Variants in KSR2 observed in about 807,000 individuals in gnomAD.
KSR2 encodes kinase suppressor of ras 2.
Under a neutral mutation model 107.8 loss-of-function variants are expected in KSR2, and 25 were observed. That is an observed-to-expected ratio of 0.23 (90% CI 0.17 to 0.32). KSR2 has a LOEUF of 0.32. KSR2 is among the 10% of genes least tolerant of loss of function. The pLI, the probability that KSR2 is intolerant of heterozygous loss-of-function variation, is 1.00. For synonymous variants in KSR2, 480 were observed against 507.0 expected (o/e 0.95, Z 0.71); for missense variants, 887 against 1,268.9 (o/e 0.70, Z 4.57).
chr12:117,497,346 T>G (rs1373797205), intron 14 of KSR2, among the ~76,000 whole-genome samples: 2 of 152,154 alleles, frequency 1.3e-5, no homozygotes, highest in Admixed American at 1.3e-4. Flanking sequence ...ATGCTTCCAT[T>G]AATAGGATCA....
intron 5 of KSR2, among the ~76,000 whole-genome samples, chr12:117,619,285 T>G (rs955378682): frequency 1.6e-4 from 25 of 152,022 alleles, no homozygotes; most frequent in Admixed American, 3.9e-4. Context: ...TATGTATACA[T>G]GTGCCATGTT....
intron 5 of KSR2, among the ~76,000 whole-genome samples, chr12:117,641,317 G>A (rs577981405): frequency 9.7e-4 from 147 of 152,246 alleles, no homozygotes; most frequent in African/African-American, 3.3e-3. Context: ...GGCCGGTCTC[G>A]AATTCCTGAC....
chr12:117,950,415 T>G (rs1896326893), intron 1 of KSR2, among the ~76,000 whole-genome samples: 1 of 152,082 alleles, frequency 6.6e-6, no homozygotes, highest in Non-Finnish European at 1.5e-5. Flanking sequence ...TAAAGTACCT[T>G]CAACTGCTAT....
At chr12:117,845,143 C>T (rs1302546764) in intron 3 of KSR2, among the ~76,000 whole-genome samples, 3 of 152,176 alleles carry the variant, frequency 2.0e-5, no homozygotes, top group African/African-American at 7.2e-5. Context: ...GAGACTCCAA[C>T]TCAAAAACAA....
intron 3 of KSR2, among the ~76,000 whole-genome samples, chr12:117,793,266 A>C (rs1890351752): frequency 7.6e-6 from 1 of 131,598 alleles, no homozygotes; most frequent in Admixed American, 7.8e-5. Flanking sequence ...TCACACCAAC[A>C]TGCACACACG....
chr12:117,505,524 T>G (rs1873627914), intron 14 of KSR2, among the ~76,000 whole-genome samples: 1 of 152,206 alleles, frequency 6.6e-6, no homozygotes, highest in African/African-American at 2.4e-5. Context: ...GAGTCTGATC[T>G]GTAAAACAGT....
At chr12:117,479,058 G>A (rs1034883200) in intron 16 of KSR2, among the ~76,000 whole-genome samples, 1 of 152,196 alleles carries the variant, frequency 6.6e-6, no homozygotes, top group East Asian at 1.9e-4. Context: ...TTGGGGCTCA[G>A]GGTTCCAGTG....
intron 3 of KSR2, among the ~76,000 whole-genome samples, chr12:117,822,007 A>C (rs1891580219): frequency 6.6e-6 from 1 of 152,186 alleles, no homozygotes; most frequent in Admixed American, 6.5e-5. Context: ...GGTTGCAGTA[A>C]AGAAGCCGGC....
chr12:117,489,675 AC>A (rs775406930), intron 14 of KSR2, among the ~76,000 whole-genome samples: 20 of 152,176 alleles, frequency 1.3e-4, no homozygotes, highest in Non-Finnish European at 2.6e-4. Context: ...TAAAGTCTTT[AC>A]CCAGTGAAGA....
intron 19 of KSR2, among the ~76,000 whole-genome samples, chr12:117,468,238 C>T (rs1330391784): frequency 6.6e-6 from 1 of 152,164 alleles, no homozygotes; most frequent in Non-Finnish European, 1.5e-5. Flanking sequence ...TTGAGAGGCA[C>T]CTGCTAACCA....
In KSR2 at chr12:117,467,083, C is replaced by A. The variant is rs183228224; in HGVS notation, c.*116G>T. 3.9e-6 allele frequency: 2 copies of A among 510,604 alleles called. No individual in the cohort carries two copies. The highest frequency in any genetic ancestry group is 3.4e-5 in the South Asian group (1 of 29,682). The allele number at this position is 510,604 out of a possible 1,614,324, so 31.6% of individuals were successfully genotyped here. On this transcript the variant is annotated 3_prime_UTR_variant, in exon 20 of 20. Coordinates refer to ENST00000339824, the MANE Select transcript of KSR2 (RefSeq NM_173598.6). ...AGTTGTCCAGTGCTCCCAGGTCGGT[C>A]GGGGTTGGTACCCTCTGATGCTGAG...
At chr12:117,685,895 C>G (rs1885549784) in intron 4 of KSR2, among the ~76,000 whole-genome samples, 7 of 152,170 alleles carry the variant, frequency 4.6e-5, no homozygotes, top group Admixed American at 4.6e-4. Context: ...GCTGATTCCC[C>G]CCCTGTAAAA....
chr12:117,788,412 C>T (rs10774954), intron 3 of KSR2, among the ~76,000 whole-genome samples: 84,224 of 152,104 alleles, frequency 0.55, 24,818 homozygotes, highest in African/African-American at 0.75. Context: ...AGACTGCATG[C>T]TATAACCCTC....
At chr12:117,922,274 T>A (rs1365265048) in intron 1 of KSR2, among the ~76,000 whole-genome samples, 1 of 152,186 alleles carries the variant, frequency 6.6e-6, no homozygotes, top group Non-Finnish European at 1.5e-5. Context: ...CCAGAGAAAT[T>A]CTGTGAGAAA....
At chr12:117,749,995 C>T (rs1888554710) in intron 4 of KSR2, among the ~76,000 whole-genome samples, 1 of 152,126 alleles carries the variant, frequency 6.6e-6, no homozygotes, top group African/African-American at 2.4e-5. Flanking sequence ...CGCCTGTAAT[C>T]CTAGCACTCT....
chr12:117,941,792 ATTTTTTTTTTTT>A (rs542293863), intron 1 of KSR2, among the ~76,000 whole-genome samples: 2 of 97,800 alleles, frequency 2.0e-5, no homozygotes, highest in Non-Finnish European at 3.8e-5. Context: ...GGCCTGGCTA[ATTTTTTTTTTTT>A]TTTTTTTTTT....
intron 3 of KSR2, among the ~76,000 whole-genome samples, chr12:117,769,158 C>T (rs1691495833): frequency 6.6e-6 from 1 of 152,132 alleles, no homozygotes; most frequent in African/African-American, 2.4e-5. Flanking sequence ...GATCACTCCC[C>T]AGGAAGAAGT....
At chr12:117,724,705 C>A (rs1423200385) in intron 4 of KSR2, among the ~76,000 whole-genome samples, 2 of 151,998 alleles carry the variant, frequency 1.3e-5, no homozygotes, top group African/African-American at 4.8e-5. Context: ...CAAGAACATG[C>A]CAAGAATAAA....
chr12:117,669,821 T>C (rs945136500), intron 4 of KSR2, among the ~76,000 whole-genome samples: 4 of 152,034 alleles, frequency 2.6e-5, no homozygotes, highest in African/African-American at 9.7e-5. Context: ...TGAGCTACGG[T>C]TGTACCACTG....
Sources: gnomAD v4.1 joint callset for allele counts (sites outside exome capture counted in the v4.1 genomes callset) on GRCh38, gnomAD v4.1.1 for gene constraint, MANE v1.5 for transcripts, NCBI Gene and HGNC (gene_info 2026-07-23, HGNC 2026-07-21) for gene names.